Variants in ZNF385D observed in about 807,000 individuals in gnomAD.
ZNF385D encodes zinc finger protein 385D.
Under a neutral mutation model 35.8 loss-of-function variants are expected in ZNF385D, and 15 were observed. The observed-to-expected ratio is 0.42, with a 90% CI of 0.28 to 0.64. The LOEUF (loss-of-function observed/expected upper bound fraction) is 0.64. Ranked by LOEUF, ZNF385D falls within the 30% of genes least tolerant of loss-of-function variation. ZNF385D has a pLI of 0.23. For missense variants in ZNF385D, 474 were observed against 494.6 expected, an observed-to-expected ratio of 0.96 and a Z score of 0.39; for synonymous variants, 212 against 186.8, an observed-to-expected ratio of 1.13 and a Z score of -1.10.
At chr3:22,262,713 G>A (rs1439041950) in intron 2 of ZNF385D, among the ~76,000 whole-genome samples, 2 of 151,714 alleles carry the variant, frequency 1.3e-5, no homozygotes, top group African/African-American at 2.4e-5. Flanking sequence ...CAAAATAAAA[G>A]TTGGTTGTAC....
chr3:21,820,022 G>A (rs934388849), intron 3 of ZNF385D, among the ~76,000 whole-genome samples: 1 of 150,878 alleles, frequency 6.6e-6, no homozygotes. Flanking sequence ...AAGCATTTTA[G>A]TAATAGATTA....
chr3:21,648,607 T>G (rs563213192), intron 2 of ZNF385D, among the ~76,000 whole-genome samples: 4 of 152,264 alleles, frequency 2.6e-5, no homozygotes, highest in Admixed American at 2.0e-4. Flanking sequence ...AAAGAACAAT[T>G]GCCAATTAAA....
intron 3 of ZNF385D, among the ~76,000 whole-genome samples, chr3:21,837,744 C>T (rs934351995): frequency 2.6e-5 from 4 of 151,750 alleles, no homozygotes; most frequent in South Asian, 2.1e-4. Flanking sequence ...TGGTGGCGTG[C>T]GCCTGTAGTC....
At chr3:21,583,741 TATTCATTCAATATAAA>T (rs1275665664) in intron 2 of ZNF385D, among the ~76,000 whole-genome samples, 1 of 151,310 alleles carries the variant, frequency 6.6e-6, no homozygotes, top group Admixed American at 6.6e-5. Context: ...CAGTTATTTT[TATTCATTCAATATAAA>T]TATTAAATTA....
At chr3:21,668,348 A>G (rs1033070055) in intron 1 of ZNF385D, among the ~76,000 whole-genome samples, 2 of 152,176 alleles carry the variant, frequency 1.3e-5, no homozygotes, top group Non-Finnish European at 2.9e-5. Context: ...TTTTACCTCC[A>G]AAGTTCCTCA....
chr3:21,793,748 G>A (rs1176784483), intron 3 of ZNF385D, among the ~76,000 whole-genome samples: 2 of 152,280 alleles, frequency 1.3e-5, no homozygotes, highest in Middle Eastern at 6.8e-3. Flanking sequence ...CCCAGTGAAA[G>A]AAAAGCACAT....
intron 3 of ZNF385D, among the ~76,000 whole-genome samples, chr3:21,758,369 G>C (rs987294699): frequency 3.3e-5 from 5 of 152,212 alleles, no homozygotes; most frequent in African/African-American, 1.2e-4. Flanking sequence ...CATTGCCTAT[G>C]ATTTAGGAAG....
intron 3 of ZNF385D, among the ~76,000 whole-genome samples, chr3:22,045,110 T>C (rs997461157): frequency 1.3e-5 from 2 of 152,054 alleles, no homozygotes; most frequent in Non-Finnish European, 2.9e-5. Context: ...CTATTGCTTT[T>C]GGAAAAAAAG....
intron 2 of ZNF385D, among the ~76,000 whole-genome samples, chr3:21,657,537 TTA>T (rs1209437483): frequency 1.3e-5 from 2 of 151,938 alleles, no homozygotes; most frequent in Non-Finnish European, 2.9e-5. Context: ...GAAGCTTGTG[TTA>T]TACAAATATG....
At chr3:22,161,906 A>G (rs1705979911) in intron 3 of ZNF385D, among the ~76,000 whole-genome samples, 1 of 152,216 alleles carries the variant, frequency 6.6e-6, no homozygotes, top group East Asian at 1.9e-4. Context: ...TGAGTTGTCA[A>G]TAATGTAGAC....
At chr3:21,505,970 A>G (rs1017308482) in intron 4 of ZNF385D, among the ~76,000 whole-genome samples, 1 of 152,134 alleles carries the variant, frequency 6.6e-6, no homozygotes, top group Non-Finnish European at 1.5e-5. Flanking sequence ...ACCTATTCTC[A>G]GACTCTGATG....
At chr3:22,225,202 G>C (rs753055778) in intron 2 of ZNF385D, among the ~76,000 whole-genome samples, 3 of 152,076 alleles carry the variant, frequency 2.0e-5, no homozygotes, top group Non-Finnish European at 4.4e-5. Flanking sequence ...TATGCCCTTA[G>C]GAAAAGATAA....
chr3:22,016,075 G>A (rs551610728), intron 3 of ZNF385D, among the ~76,000 whole-genome samples: 1 of 152,084 alleles, frequency 6.6e-6, no homozygotes, highest in African/African-American at 2.4e-5. Flanking sequence ...ATTCATATTT[G>A]CAGCACTTGC....
chr3:22,334,086 A>G (rs1695057402), intron 2 of ZNF385D, among the ~76,000 whole-genome samples: 1 of 152,190 alleles, frequency 6.6e-6, no homozygotes, highest in Admixed American at 6.5e-5. Context: ...GCGTTCACAT[A>G]TTTAATGCAT....
intron 3 of ZNF385D, among the ~76,000 whole-genome samples, chr3:21,850,139 T>C (rs1417779386): frequency 7.6e-6 from 1 of 131,330 alleles, no homozygotes; most frequent in Non-Finnish European, 1.6e-5. Flanking sequence ...ATATCTCTCT[T>C]TCAAAGGCTT....
At chr3:21,427,556 T>G (rs1285353401) in intron 5 of ZNF385D, among the ~76,000 whole-genome samples, 3 of 152,290 alleles carry the variant, frequency 2.0e-5, no homozygotes, top group African/African-American at 7.2e-5. Flanking sequence ...AGGTGGCTTG[T>G]CTCAGCATTG....
At chr3:21,654,292 A>G (rs568666936) in intron 2 of ZNF385D, among the ~76,000 whole-genome samples, 1 of 152,156 alleles carries the variant, frequency 6.6e-6, no homozygotes, top group Admixed American at 6.6e-5. Context: ...TATTTGCCCA[A>G]ACTCAAGATA....
chr3:21,437,332 G>A, intron 4 of ZNF385D, 129 bp from the exon 5 acceptor site: 2 of 820,590 alleles, frequency 2.4e-6, no homozygotes, highest in Non-Finnish European at 1.8e-6. Flanking sequence ...TGTTTGTCAA[G>A]GATGCATCAA....
intron 3 of ZNF385D, among the ~76,000 whole-genome samples, chr3:21,791,804 G>C (rs759614829): frequency 1.3e-5 from 2 of 152,026 alleles, no homozygotes; most frequent in East Asian, 3.9e-4. Context: ...GCGCGATCTC[G>C]GCTCACTGCA....
Sources: allele counts gnomAD v4.1 joint callset (sites outside exome capture counted in the v4.1 genomes callset), GRCh38; gene constraint gnomAD v4.1.1; transcripts MANE v1.5; gene names NCBI Gene and HGNC (gene_info 2026-07-23, HGNC 2026-07-21).